Variants in PLCB2 observed in about 807,000 individuals in gnomAD.
PLCB2 encodes the protein phospholipase C beta 2.
A neutral mutation model predicts 141.7 loss-of-function variants in PLCB2; 115 were observed. The observed-to-expected ratio is 0.81, with a 90% CI of 0.70 to 0.95. The LOEUF is 0.95. PLCB2 is among the 40% of genes least tolerant of loss of function. The pLI is 0.00. For missense variants in PLCB2, 1,403 were observed against 1,541.1 expected (o/e 0.91, Z 1.50); for synonymous variants, 603 against 595.6 (o/e 1.01, Z -0.18).
intron 30 of PLCB2, 128 bp from the exon 31 acceptor site, chr15:40,289,486 A>G (rs2039734398): frequency 2.8e-6 from 2 of 711,284 alleles, no homozygotes; most frequent in Non-Finnish European, 5.0e-6. Flanking sequence ...GTAGTTTTTA[A>G]AATTTGTAAG....
chr15:40,290,973 G>C (rs2039867398), intron 27 of PLCB2, 45 bp downstream of exon 27: 1 of 1,547,432 alleles, frequency 6.5e-7, no homozygotes, highest in Non-Finnish European at 8.7e-7. Context: ...TGGGGGGTGG[G>C]GTCGGTGGGG....
intron 16 of PLCB2, 72 bp from the exon 17 acceptor site, chr15:40,295,357 G>A: frequency 9.5e-7 from 1 of 1,054,836 alleles, no homozygotes. Flanking sequence ...CCTCCCCTTT[G>A]GGGCAGCTCC....
intron 30 of PLCB2, 49 bp downstream of exon 30, chr15:40,289,962 AGAGAGAGTGTGTGT>A (rs2039789470): frequency 1.7e-6 from 1 of 602,154 alleles, no homozygotes; most frequent in Non-Finnish European, 2.9e-6. Context: ...AGAGAGAGAG[AGAGAGAGTGTGTGT>A]GTGTGTGTGT....
rs1264341357 is a variant in PLCB2, at chr15:40,293,622, G to A, written c.2164C>T (p.Leu722=). ...GDPKRRYRTK[L]SPSTNSINPV... is the part of the protein sequence containing the mutation. ...TTGATGGAGTTAGTACTGGGTGACA[G>A]CTTAGTTCGATAGCGCCTCTTGGGG... The change falls in exon 20 of 32, where the codon CTG becomes TTG. Residue 722 remains leucine, a synonymous_variant. Coordinates refer to ENST00000260402, the MANE Select transcript of PLCB2 (RefSeq NM_004573.3). The A allele has an allele frequency of 6.2e-7, 1 of 1,614,144 alleles. No individual in the cohort carries two copies. Among genetic ancestry groups the A allele is most frequent in the South Asian group, 1.1e-5 (1 of 91,080 alleles).
At chr15:40,293,841 C>T in intron 19 of PLCB2, 117 bp from the exon 20 acceptor site, 1 of 991,174 alleles carries the variant, frequency 1.0e-6, no homozygotes, top group East Asian at 2.6e-5. Context: ...TTATGAAGAA[C>T]CTCACTCAGC....
Position 40,290,767 on chromosome 15 carries a change from G to C in PLCB2, c.3107C>G (p.Ser1036Trp). 2.5e-6 allele frequency: 4 copies of C among 1,613,710 alleles called. No individual in the cohort carries two copies. The highest frequency in any genetic ancestry group is 3.4e-6 in the Non-Finnish European group (4 of 1,179,806). The change falls in exon 28 of 32, where the codon TCG (serine) becomes TGG (tryptophan). Residue 1036 changes from serine to tryptophan, a missense_variant. Physicochemically the swap from Ser to Trp is radical, Grantham distance 177. Transcript: ENST00000260402. ...AAELKALKET[S>W]ENDTKEMKKK... The stretch of plus-strand genomic sequence containing the variant: ...GGGAGGGAGGCAGTCGTACTTCTCC[G>C]ACGTCTCCTTCAGGGCCTTCAGCTC...
chr15:40,302,215 G>A lies in PLCB2; in HGVS notation c.453-26C>T, dbSNP rs755809843. 1.9e-6 allele frequency: 3 copies of A among 1,613,802 alleles called. No homozygotes were observed. The South Asian group carries it at 3.3e-5, about 18-fold the overall frequency. ...CTGGGGGCAGAAAGCAGCCCGTCAA[G>A]GCCCAGGGCTGGCATGCTCAGCACC... On this transcript the variant is annotated intron_variant, in intron 5 of 31. Coordinates refer to ENST00000260402, the MANE Select transcript of PLCB2 (RefSeq NM_004573.3).
Position 40,290,026 on chromosome 15 carries a change from T to A in PLCB2, c.3266A>T (p.Gln1089Leu). Residue 1089 changes from glutamine (Q) to leucine (L), a missense_variant and splice_region_variant, in exon 30 of 32, where the codon CAG becomes CTG. This residue lies in a region of PLCB2 where 132 missense variants were observed against 132.4 expected (regional missense o/e 1.00). Transcript: ENST00000260402. ...HIQEVVQVIKQMTENLERHQE... is the reference protein window; with the variant it reads ...HIQEVVQVIKLMTENLERHQE... ...AGGAAGGACACAGCCCTTACACACC[T>A]GCTTGATCACCTGCACTACTTCCTG... 6.4e-7 allele frequency: 1 copy of A among 1,554,750 alleles called. No homozygotes were observed. The highest frequency in any genetic ancestry group is 1.4e-5 in the African/African-American group (1 of 73,366).
chr15:40,291,008 T>G lies in PLCB2; in HGVS notation c.3036+10A>C. 6.3e-7 allele frequency: 1 copy of G among 1,589,258 alleles called. No homozygotes were observed. The highest frequency in any genetic ancestry group is 8.5e-7 in the Non-Finnish European group (1 of 1,176,194). On this transcript the variant is annotated intron_variant, in intron 27 of 31. Transcript: ENST00000260402. ...GCTGGTGGGGTTGTCGCCCTGCCCC[T>G]CCCGGCCACCTCGGCCACGTGCTGC...
At chr15:40,290,969 GT>G (rs1566871599) in intron 27 of PLCB2, 48 bp downstream of exon 27, 1 of 1,536,512 alleles carries the variant, frequency 6.5e-7, no homozygotes, top group South Asian at 1.2e-5. Context: ...TCCATGGGGG[GT>G]GGGGTCGGTG....
intron 4 of PLCB2, 36 bp downstream of exon 4, chr15:40,302,433 G>GGGGCCCAGACCC: frequency 1.2e-6 from 2 of 1,613,158 alleles, no homozygotes; most frequent in Non-Finnish European, 1.7e-6. Flanking sequence ...GGCTATCCCA[G>GGGGCCCAGACCC]GGGCCCAGAC....
In PLCB2 at chr15:40,292,407, A is replaced by T; in HGVS notation, c.2363T>A (p.Met788Lys). The change falls in exon 22 of 32, where the codon ATG becomes AAG. Residue 788 changes from methionine (M) to lysine (K), a missense_variant. By Grantham distance (95) the Met-to-Lys change is moderately conservative (BLOSUM62 -1). Around this residue, in one of 4 missense-constraint regions of PLCB2, gnomAD observed 975 missense variants for 1,141.1 expected, o/e 0.85. Transcript: ENST00000260402. ...HHLCLHSESN[M>K]PLTMPALFIF... is the part of the protein sequence containing the mutation. The stretch of plus-strand genomic sequence containing the variant: ...GAAGAGCGCAGGCATGGTGAGGGGC[A>T]TGTTGCTCTCACTGTGCAGGCACAG... The T allele has an allele frequency of 1.9e-6, 3 of 1,613,918 alleles. No individual in the cohort carries two copies. Among genetic ancestry groups the T allele is most frequent in the Non-Finnish European group, 2.5e-6 (3 of 1,179,902 alleles).
At position 40,291,180 on chromosome 15, in the gene PLCB2, G is replaced by A; in HGVS notation, c.2874C>T (p.Ser958=). ...CTCCGGCGCTCTCCTCGCGGGGCAGGCTCCTGGGGAGGCCACGTGGGGACA... is the reference window on the plus strand; with the variant it reads ...CTCCGGCGCTCTCCTCGCGGGGCAGACTCCTGGGGAGGCCACGTGGGGACA... ...GPGKGSRKKR[S]LPREESAGAA... The change falls in exon 27 of 32, where the codon AGC becomes AGT. Residue 958 remains serine (S), a synonymous_variant. Transcript: ENST00000260402. 6.4e-7 allele frequency: 1 copy of A among 1,571,412 alleles called. No homozygotes were observed. The highest frequency in any genetic ancestry group is 8.6e-7 in the Non-Finnish European group (1 of 1,166,554).
intron 7 of PLCB2, among the ~76,000 whole-genome samples, chr15:40,300,460 C>T (rs1028136873): frequency 5.3e-5 from 8 of 152,198 alleles, no homozygotes; most frequent in Admixed American, 5.2e-4. Context: ...CATGTTCACA[C>T]AAAATCATGT....
At chr15:40,296,264 TACCCACCCGTA>T (rs1407782605) in intron 16 of PLCB2, 21 bp downstream of exon 16, 1 of 1,536,524 alleles carries the variant, frequency 6.5e-7, no homozygotes. Flanking sequence ...CCCTTCTTCT[TACCCACCCGTA>T]AGTTACTCAT....
intron 3 of PLCB2, among the ~76,000 whole-genome samples, 180 bp from the exon 4 acceptor site, chr15:40,302,789 A>G (rs1318648335): frequency 6.6e-6 from 1 of 152,190 alleles, no homozygotes; most frequent in Non-Finnish European, 1.5e-5. Context: ...TGGGATGGGA[A>G]GGAGAGGCCC....
chr15:40,301,326 C>A, intron 7 of PLCB2: 1 of 556,976 alleles, frequency 1.8e-6, no homozygotes, highest in Non-Finnish European at 3.2e-6. Flanking sequence ...GAGATTCGCT[C>A]CATTGGCCAG....
In PLCB2 at chr15:40,307,713, G is replaced by A; in HGVS notation, c.-41C>T. 12 of 1,531,852 alleles carry A rather than the reference G, an allele frequency of 7.8e-6. No homozygotes were observed. The highest frequency in any genetic ancestry group is 1.1e-5 in the Non-Finnish European group (12 of 1,131,880). The allele number at this position is 1,531,852 out of a possible 1,614,324, so 94.9% of individuals were successfully genotyped here. A position where few individuals can be genotyped will look rare whatever the true frequency, so the allele number is the denominator to read the frequency against. On this transcript the variant is annotated 5_prime_UTR_variant, in exon 1 of 32. Transcript: ENST00000260402. Reference sequence around the variant, plus strand: ...TCTTTGCAGAATCTCAGCAGACACAGGCAGGCAGAAGGGCAGGAAGGAGGC... The same window carrying A: ...TCTTTGCAGAATCTCAGCAGACACAAGCAGGCAGAAGGGCAGGAAGGAGGC...
downstream of PLCB2, chr15:40,285,804 C>G (rs547000081): frequency 5.8e-4 from 576 of 985,504 alleles, no homozygotes; most frequent in Admixed American, 2.3e-3. Context: ...TCACACCCCC[C>G]CAGGTGGAGG....
Sources: allele counts gnomAD v4.1 joint callset (sites outside exome capture counted in the v4.1 genomes callset), GRCh38; gene constraint gnomAD v4.1.1; regional missense constraint gnomAD v4.1.1; transcripts MANE v1.5; gene names NCBI Gene and HGNC (gene_info 2026-07-23, HGNC 2026-07-21).